Variants in ADAMTSL3 observed in about 807,000 individuals in gnomAD.
ADAMTSL3 encodes ADAMTS-like protein 3.
ADAMTSL3 carries 128 observed loss-of-function variants against 201.7 expected under a neutral mutation model. The observed-to-expected ratio is 0.63, with a 90% CI of 0.55 to 0.73. The LOEUF (loss-of-function observed/expected upper bound fraction) is 0.73, where lower values mean the gene tolerates loss of function less well. ADAMTSL3 is among the 30% of genes least tolerant of loss of function. The pLI is 0.00. For synonymous variants in ADAMTSL3, 738 were observed against 748.4 expected (o/e 0.99, Z 0.23); for missense variants, 1,990 against 2,119.6 (o/e 0.94, Z 1.20).
intron 8 of ADAMTSL3, among the ~76,000 whole-genome samples, chr15:83,860,521 GTATA>G (rs1454938302): frequency 1.3e-5 from 2 of 152,172 alleles, no homozygotes; most frequent in Non-Finnish European, 2.9e-5. Flanking sequence ...GGCATGCAAA[GTATA>G]TATGGAAAAG....
intron 2 of ADAMTSL3, among the ~76,000 whole-genome samples, chr15:83,691,007 G>A (rs566134643): frequency 1.1e-4 from 16 of 152,238 alleles, no homozygotes; most frequent in South Asian, 1.0e-3. Context: ...TTCTTTTATC[G>A]TGAGGTTATT....
intron 2 of ADAMTSL3, among the ~76,000 whole-genome samples, chr15:83,681,546 T>A (rs1044642742): frequency 6.6e-5 from 10 of 152,248 alleles, no homozygotes; most frequent in Admixed American, 4.6e-4. Flanking sequence ...TCGGGATTAA[T>A]GTTAGGCAAA....
At chr15:83,926,993 T>C (rs1596416573) in intron 17 of ADAMTSL3, among the ~76,000 whole-genome samples, 1 of 152,172 alleles carries the variant, frequency 6.6e-6, no homozygotes, top group African/African-American at 2.4e-5. Context: ...ACCTCTACTG[T>C]CTTTTCCAAA....
chr15:83,834,150 G>A lies in ADAMTSL3; in HGVS notation c.601-3939G>A, dbSNP rs143258928. Among the ~76,000 whole-genome samples the A allele has an allele frequency of 3.3e-5, 5 of 152,214 alleles. No homozygotes were observed. The East Asian group carries it at 5.8e-4, about 18-fold the overall frequency. On this transcript the variant is annotated intron_variant, in intron 6 of 29. Coordinates refer to ENST00000286744, the MANE Select transcript of ADAMTSL3 (RefSeq NM_207517.3). ...GGAGCCTCAGCTCTTAGAACGTCTC[G>A]GAGACTCAGGCTTTATTTGGACACA...
chr15:84,013,008 A>C (rs1453908714), intron 23 of ADAMTSL3, among the ~76,000 whole-genome samples: 2 of 152,222 alleles, frequency 1.3e-5, no homozygotes, highest in East Asian at 3.9e-4. Flanking sequence ...CCCCCTATGC[A>C]TTTCCACCTC....
At chr15:83,670,187 G>A (rs2061311544) in intron 2 of ADAMTSL3, among the ~76,000 whole-genome samples, 1 of 146,906 alleles carries the variant, frequency 6.8e-6, no homozygotes. Flanking sequence ...GAACCTGGGA[G>A]GCAGAGGTTG....
At chr15:83,825,850 G>C (rs2064010367) in intron 6 of ADAMTSL3, among the ~76,000 whole-genome samples, 1 of 152,094 alleles carries the variant, frequency 6.6e-6, no homozygotes, top group South Asian at 2.1e-4. Flanking sequence ...CCATGGAATA[G>C]TGCTAGGAGA....
intron 4 of ADAMTSL3, among the ~76,000 whole-genome samples, chr15:83,793,728 C>G (rs1173142776): frequency 6.6e-6 from 1 of 152,098 alleles, no homozygotes; most frequent in Non-Finnish European, 1.5e-5. Context: ...CTGCCTGCCT[C>G]AGCCTCCCAA....
chr15:84,008,083 T>A lies in ADAMTSL3; in HGVS notation c.3974-6459T>A, dbSNP rs766654691. Among the ~76,000 whole-genome samples the A allele has an allele frequency of 2.0e-5, 3 of 152,178 alleles. No homozygotes were observed. In the East Asian group the frequency reaches 5.8e-4, roughly 29 times the overall value. On this transcript the variant is annotated intron_variant, in intron 23 of 29. Transcript: ENST00000286744. ...GGTCACCAACAGCTTACCATGTAAGTGTGAATTGCTAACTTCAGTTGTCAG... is the reference window on the plus strand; with the variant it reads ...GGTCACCAACAGCTTACCATGTAAGAGTGAATTGCTAACTTCAGTTGTCAG...
chr15:83,839,218 ATGTAACT>A (rs1323300362), intron 7 of ADAMTSL3, among the ~76,000 whole-genome samples: 1 of 152,068 alleles, frequency 6.6e-6, no homozygotes, highest in Non-Finnish European at 1.5e-5. Flanking sequence ...ATTTAGTTTG[ATGTAACT>A]TGTAAAGTCG....
intron 3 of ADAMTSL3, among the ~76,000 whole-genome samples, chr15:83,706,924 C>G (rs1040124134): frequency 1.3e-5 from 2 of 152,142 alleles, no homozygotes; most frequent in African/African-American, 4.8e-5. Context: ...TCTCCTCGGC[C>G]TCCCAAAGCG....
intron 8 of ADAMTSL3, chr15:83,862,890 A>T (rs1007598749): frequency 2.0e-5 from 3 of 152,200 alleles, no homozygotes; most frequent in African/African-American, 7.2e-5. Flanking sequence ...ACGTGCAGAG[A>T]CACACATAGG....
intron 3 of ADAMTSL3, among the ~76,000 whole-genome samples, chr15:83,744,667 T>C (rs923924172): frequency 2.0e-5 from 3 of 152,192 alleles, no homozygotes; most frequent in Admixed American, 6.5e-5. Flanking sequence ...TATAGTCACC[T>C]GTGTTGTACC....
At chr15:83,674,578 C>G (rs990813281) in intron 2 of ADAMTSL3, among the ~76,000 whole-genome samples, 3 of 151,108 alleles carry the variant, frequency 2.0e-5, no homozygotes, top group Non-Finnish European at 4.4e-5. Context: ...ATTATTTTAA[C>G]TCTTCTAGAT....
intron 21 of ADAMTSL3, among the ~76,000 whole-genome samples, chr15:83,985,474 A>G (rs1013938129): frequency 2.0e-5 from 3 of 152,130 alleles, no homozygotes; most frequent in African/African-American, 4.8e-5. Context: ...TCAAGTAAAA[A>G]TCATATTCCA....
intron 19 of ADAMTSL3, among the ~76,000 whole-genome samples, chr15:83,946,611 A>T (rs2066659541): frequency 6.6e-6 from 1 of 152,202 alleles, no homozygotes; most frequent in Non-Finnish European, 1.5e-5. Context: ...CTATTCCTCA[A>T]CAGTCTTTGC....
At chr15:84,000,882 G>A (rs185724199) in intron 23 of ADAMTSL3, among the ~76,000 whole-genome samples, 1 of 152,300 alleles carries the variant, frequency 6.6e-6, no homozygotes, top group African/African-American at 2.4e-5. Flanking sequence ...GTTTGGAAGT[G>A]TAAGTGTGGA....
At chr15:83,829,509 T>C (rs1029540981) in intron 6 of ADAMTSL3, among the ~76,000 whole-genome samples, 1 of 152,224 alleles carries the variant, frequency 6.6e-6, no homozygotes, top group Non-Finnish European at 1.5e-5. Flanking sequence ...TGAAGGTTTT[T>C]TTATGTCTCT....
At chr15:83,927,124 T>TC (rs2066262008) in intron 17 of ADAMTSL3, among the ~76,000 whole-genome samples, 1 of 151,386 alleles carries the variant, frequency 6.6e-6, no homozygotes. Flanking sequence ...TTTCTTTCTT[T>TC]TTTTTTTTTT....
Sources: gnomAD v4.1 joint callset for allele counts (sites outside exome capture counted in the v4.1 genomes callset) on GRCh38, gnomAD v4.1.1 for gene constraint, MANE v1.5 for transcripts, NCBI Gene and HGNC (gene_info 2026-07-23, HGNC 2026-07-21) for gene names.